The following MTHFD1L variants were observed in gnomAD, a reference collection of about 807,000 sequenced individuals.
The protein encoded by MTHFD1L is monofunctional C1-tetrahydrofolate synthase, mitochondrial.
Under a neutral mutation model 119.5 loss-of-function variants are expected in MTHFD1L, and 81 were observed. That is an observed-to-expected ratio of 0.68 (90% CI 0.57 to 0.82). The LOEUF (loss-of-function observed/expected upper bound fraction) is 0.82. MTHFD1L is among the 40% of genes least tolerant of loss of function. MTHFD1L has a pLI of 0.00. For missense variants in MTHFD1L, 1,125 were observed against 1,253.4 expected (o/e 0.90, Z 1.55); for synonymous variants, 430 against 475.2 (o/e 0.90, Z 1.24).
intron 19 of MTHFD1L, among the ~76,000 whole-genome samples, chr6:150,970,723 A>G (rs1797893332): frequency 6.6e-6 from 1 of 152,234 alleles, no homozygotes; most frequent in African/African-American, 2.4e-5. Flanking sequence ...CCTTTGAGTT[A>G]GTCATAGAAT....
intron 20 of MTHFD1L, among the ~76,000 whole-genome samples, chr6:151,001,435 C>T (rs75980046): frequency 0.032 from 4,819 of 152,214 alleles, 123 homozygotes; most frequent in African/African-American, 0.068. Flanking sequence ...AGGGTTTTCC[C>T]CAGTGTAAAA....
chr6:150,953,009 C>G (rs1311738980), intron 16 of MTHFD1L, among the ~76,000 whole-genome samples: 1 of 152,176 alleles, frequency 6.6e-6, no homozygotes, highest in Non-Finnish European at 1.5e-5. Flanking sequence ...CCTGTCCGAG[C>G]CCCGGGGCCT....
chr6:150,988,256 C>T (rs1346251095), intron 20 of MTHFD1L, among the ~76,000 whole-genome samples: 1 of 152,002 alleles, frequency 6.6e-6, no homozygotes, highest in South Asian at 2.1e-4. Flanking sequence ...TAAAAATATC[C>T]GTTACATAAT....
intron 16 of MTHFD1L, among the ~76,000 whole-genome samples, chr6:150,954,162 CGGAT>C (rs1462607931): frequency 6.6e-6 from 1 of 152,212 alleles, no homozygotes; most frequent in Non-Finnish European, 1.5e-5. Flanking sequence ...CTTCATCCTA[CGGAT>C]GCCTATAGTA....
chr6:150,907,065 T>G (rs1786048290), intron 8 of MTHFD1L, among the ~76,000 whole-genome samples: 1 of 152,088 alleles, frequency 6.6e-6, no homozygotes, highest in African/African-American at 2.4e-5. Context: ...GCTTCCTCTG[T>G]TCAGCATCCC....
At chr6:150,886,265 C>G (rs9383852) in intron 6 of MTHFD1L, among the ~76,000 whole-genome samples, 8,832 of 152,030 alleles carry the variant, frequency 0.058, 507 homozygotes, top group East Asian at 0.22. Context: ...GAGACCTTGT[C>G]TCTACAAAAA....
At chr6:150,938,802 G>C (rs899571570) in intron 13 of MTHFD1L, 57 bp downstream of exon 13, 2 of 1,554,946 alleles carry the variant, frequency 1.3e-6, no homozygotes, top group Admixed American at 1.9e-5. Context: ...CTGACATCTT[G>C]TCTCTGCTCC....
chr6:150,991,719 G>A (rs1324169007), intron 20 of MTHFD1L, among the ~76,000 whole-genome samples: 1 of 152,202 alleles, frequency 6.6e-6, no homozygotes, highest in Non-Finnish European at 1.5e-5. Flanking sequence ...TAAGACATCT[G>A]GGGGAGATGA....
chr6:151,006,556 G>C (rs507108), intron 20 of MTHFD1L, among the ~76,000 whole-genome samples: 21,227 of 152,146 alleles, frequency 0.14, 2,077 homozygotes, highest in East Asian at 0.55. Flanking sequence ...CGCATTGAAG[G>C]GGGGAGGAGC....
At position 150,881,887 on chromosome 6, in the gene MTHFD1L, C is replaced by T. The variant is rs374864421; in HGVS notation, c.418-875C>T. ...CTGATTTTGTACCTCAAATGGTTTC[C>T]CCTGCCACTGCACAGGTAGTGATTT... On this transcript the variant is annotated intron_variant, in intron 4 of 27. Transcript: ENST00000367321. Among the ~76,000 whole-genome samples the T allele has an allele frequency of 5.9e-5, 9 of 152,250 alleles. 2 individuals are homozygous for T.
At chr6:150,988,121 T>G (rs62431926) in intron 20 of MTHFD1L, among the ~76,000 whole-genome samples, 2 of 152,326 alleles carry the variant, frequency 1.3e-5, no homozygotes, top group South Asian at 4.1e-4. Context: ...ATAAGATCCT[T>G]GTCAAAACAT....
intron 24 of MTHFD1L, among the ~76,000 whole-genome samples, chr6:151,021,708 T>C (rs1783969005): frequency 6.6e-6 from 1 of 152,190 alleles, no homozygotes; most frequent in Non-Finnish European, 1.5e-5. Flanking sequence ...TTGCTCTGGG[T>C]TAAAACCAGG....
At chr6:151,033,435 C>T (rs1352614441) in intron 24 of MTHFD1L, among the ~76,000 whole-genome samples, 1 of 152,042 alleles carries the variant, frequency 6.6e-6, no homozygotes, top group Non-Finnish European at 1.5e-5. Flanking sequence ...TGCATCTTTA[C>T]CCACAGGAGG....
At chr6:151,049,841 A>G (rs1337054633) in intron 26 of MTHFD1L, among the ~76,000 whole-genome samples, 1 of 151,948 alleles carries the variant, frequency 6.6e-6, no homozygotes, top group Non-Finnish European at 1.5e-5. Context: ...CTTTTGTTAT[A>G]ATGTTGGGGG....
At chr6:150,906,533 G>C (rs1156533625) in intron 8 of MTHFD1L, among the ~76,000 whole-genome samples, 1 of 152,222 alleles carries the variant, frequency 6.6e-6, no homozygotes, top group African/African-American at 2.4e-5. Flanking sequence ...AGGTGAGCCA[G>C]AGACGATGGC....
At chr6:151,049,262 C>T (rs1004834071) in intron 26 of MTHFD1L, among the ~76,000 whole-genome samples, 3 of 152,200 alleles carry the variant, frequency 2.0e-5, no homozygotes, top group African/African-American at 7.2e-5. Flanking sequence ...GAGGCCGAGG[C>T]AGGCAGATCA....
intron 20 of MTHFD1L, among the ~76,000 whole-genome samples, chr6:150,988,281 G>A (rs1047343152): frequency 2.6e-5 from 4 of 152,108 alleles, no homozygotes; most frequent in African/African-American, 4.8e-5. Flanking sequence ...TTAAAATTAC[G>A]TTATATGATT....
chr6:150,979,433 C>T (rs1777108976), intron 20 of MTHFD1L, among the ~76,000 whole-genome samples: 1 of 152,126 alleles, frequency 6.6e-6, no homozygotes, highest in South Asian at 2.1e-4. Flanking sequence ...TGAAGATGAC[C>T]TTATCGAGTC....
chr6:151,083,320 C>G (rs1277677015), intron 26 of MTHFD1L, among the ~76,000 whole-genome samples: 2 of 152,154 alleles, frequency 1.3e-5, no homozygotes, highest in Admixed American at 6.5e-5. Context: ...GCCTCAACCT[C>G]CCGAGTAGCT....
Sources: allele counts gnomAD v4.1 joint callset (sites outside exome capture counted in the v4.1 genomes callset), GRCh38; gene constraint gnomAD v4.1.1; transcripts MANE v1.5; gene names NCBI Gene and HGNC (gene_info 2026-07-23, HGNC 2026-07-21).